DCXR: variants seen among roughly 807,000 people sequenced by gnomAD.
The protein encoded by DCXR is L-xylulose reductase.
In DCXR, 24 loss-of-function variants were observed where a neutral mutation model predicts 25.9. That is an observed-to-expected ratio of 0.93 (90% CI 0.67 to 1.30). DCXR has a LOEUF of 1.30. Among genes scored for constraint, DCXR ranks in the 50% most tolerant of loss-of-function variants. DCXR has a pLI of 0.00. For synonymous variants in DCXR, 161 were observed against 141.7 expected, an observed-to-expected ratio of 1.14 and a Z score of -0.97; for missense variants, 348 against 333.7, an observed-to-expected ratio of 1.04 and a Z score of -0.33.
In DCXR at chr17:82,037,689, G is replaced by T. The variant is rs776354255; in HGVS notation, c.-7C>A. ...CCGCGAGGAACAGCTCCATGTCGGC[G>T]CAGTCTCCGCCCTCCGCACTGGGGC... On this transcript the variant is annotated 5_prime_UTR_variant, in exon 1 of 8. Coordinates refer to ENST00000306869, the MANE Select transcript of DCXR (RefSeq NM_016286.4). The T allele has an allele frequency of 6.3e-7, 1 of 1,587,166 alleles. No individual in the cohort carries two copies. The highest frequency in any genetic ancestry group is 1.3e-5 in the African/African-American group (1 of 74,764).
At position 82,037,024 on chromosome 17, in the gene DCXR, C is replaced by T; in HGVS notation, c.151-11G>A. ...TTCTATCCCCGGGCACTGTGTGTAT[C>T]AGGGGGCAGTTACCAGAGGCTCTGT... On this transcript the variant is annotated splice_polypyrimidine_tract_variant and intron_variant, in intron 2 of 7. Coordinates refer to ENST00000306869, the MANE Select transcript of DCXR (RefSeq NM_016286.4). The T allele has an allele frequency of 6.4e-7, 1 of 1,553,360 alleles. No homozygotes were observed. Among genetic ancestry groups the T allele is most frequent in the Non-Finnish European group, 8.7e-7 (1 of 1,149,152 alleles).
intron 4 of DCXR, 36 bp downstream of exon 4, chr17:82,036,685 C>T: frequency 6.2e-7 from 1 of 1,613,518 alleles, no homozygotes; most frequent in Non-Finnish European, 8.5e-7. Context: ...TGGCATCACT[C>T]ACGAGAATTC....
rs772055207 is a variant in DCXR, at chr17:82,036,599, G to A, written c.393C>T (p.Ile131=). The change falls in exon 5 of 8, where the codon ATC becomes ATT. Residue 131 remains isoleucine, a synonymous_variant. Transcript: ENST00000306869. ...GGGAGCACTGGCTGGAGACATTCAC[G>A]ATGGCCCCTGGGACTCCCCGGGCTA... The part of the protein sequence containing the change: ...GLIARGVPGA[I]VNVSSQCSQR... The A allele has an allele frequency of 2.4e-5, 38 of 1,613,008 alleles. No individual in the cohort carries two copies. In the East Asian group the frequency reaches 4.9e-4, roughly 21 times the overall value.
chr17:82,036,473 T>TGGGGCTGGGGTCGGTGATGAGGGC, intron 5 of DCXR, 25 bp from the exon 6 acceptor site: 1 of 1,612,558 alleles, frequency 6.2e-7, no homozygotes, highest in Non-Finnish European at 8.5e-7. Context: ...CCAAGCTGGC[T>TGGGGCTGGGGTCGGTGATGAGGGC]GGGGCTGGGG....
Position 82,036,010 on chromosome 17 carries a change from T to A in DCXR, c.685A>T (p.Met229Leu). 1 of 1,613,366 alleles carries A rather than the reference T, an allele frequency of 6.2e-7. No individual in the cohort carries two copies. Among genetic ancestry groups the A allele is most frequent in the South Asian group, 1.1e-5 (1 of 91,074 alleles). ...ACCGGCAAAGTGGAACCCGTGGTCA[T>A]GCCACTTCGGTCACTCAGCAGAAAG... ...ILFLLSDRSG[M>L]TTGSTLPVEG... Residue 229 changes from methionine to leucine, a missense_variant, in exon 8 of 8, where the codon ATG becomes TTG. Coordinates refer to ENST00000306869, the MANE Select transcript of DCXR (RefSeq NM_016286.4).
At chr17:82,037,346 C>T in intron 2 of DCXR, 104 bp downstream of exon 2, 2 of 1,258,422 alleles carry the variant, frequency 1.6e-6, no homozygotes, top group Non-Finnish European at 1.1e-6. Flanking sequence ...AGAAGCGCAG[C>T]GCCCGCGAGG....
rs781201690 is a variant in DCXR, at chr17:82,036,047, C to T, written c.648G>A (p.Val216=). ...LGKFAEVEHV[V]NAILFLLSDR... is the part of the protein sequence containing the mutation. ...CACTCAGCAGAAAGAGGATGGCGTT[C>T]ACCACGTGCTCTACCTCTGTGGGCA... The change falls in exon 8 of 8, where the codon GTG becomes GTA. Residue 216 remains valine (V), a synonymous_variant. Coordinates refer to ENST00000306869, the MANE Select transcript of DCXR (RefSeq NM_016286.4). 8.1e-6 allele frequency: 13 copies of T among 1,613,222 alleles called. No individual in the cohort carries two copies. In the East Asian group the frequency reaches 8.9e-5, roughly 11 times the overall value.
chr17:82,036,891 G>A lies in DCXR; in HGVS notation c.273C>T (p.Pro91=), dbSNP rs1290159779. 1.2e-6 allele frequency: 2 copies of A among 1,613,210 alleles called. No homozygotes were observed. Among genetic ancestry groups the A allele is most frequent in the Admixed American group, 1.7e-5 (1 of 60,010 alleles). Residue 91 remains proline (P), a synonymous_variant, in exon 3 of 8, where the codon CCC becomes CCT. Coordinates refer to ENST00000306869, the MANE Select transcript of DCXR (RefSeq NM_016286.4). ...VNNAAVALLQ[P]FLEVTKEAFD... Reference sequence around the variant, plus strand: ...AGGCCTCCTTGGTGACCTCCAGGAAGGGCTGCAGCAGGGCGACAGCGGCGT... The same window carrying A: ...AGGCCTCCTTGGTGACCTCCAGGAAAGGCTGCAGCAGGGCGACAGCGGCGT...
chr17:82,037,110 GAGTT>G, intron 2 of DCXR, 97 bp from the exon 3 acceptor site: 5 of 1,469,604 alleles, frequency 3.4e-6, no homozygotes, highest in Non-Finnish European at 4.6e-6. Flanking sequence ...ACAAGTAAAG[GAGTT>G]AGGAGTTCCG....
chr17:82,036,607 CT>C lies in DCXR; in HGVS notation c.384del (p.Ala130ProfsTer3). On this transcript the variant is annotated frameshift_variant, in exon 5 of 8. Coordinates refer to ENST00000306869, the MANE Select transcript of DCXR (RefSeq NM_016286.4). LOFTEE classifies it high-confidence loss of function. ...TGGCTGGAGACATTCACGATGGCCC[CT>C]GGGACTCCCCGGGCTATTAAGCCCC... is the stretch of plus-strand genomic sequence containing the variant. Reference protein sequence around the residue: ...VARGLIARGVPGAIVNVSSQC... With the variant: ...VARGLIARGVXGAIVNVSSQC... 2 of 1,613,146 alleles carry C rather than the reference CT, an allele frequency of 1.2e-6. No individual in the cohort carries two copies. Among genetic ancestry groups the C allele is most frequent in the Non-Finnish European group, 1.7e-6 (2 of 1,179,982 alleles).
In DCXR at chr17:82,036,419, T is replaced by C. The variant is rs199558783; in HGVS notation, c.478A>G (p.Thr160Ala). The C allele has an allele frequency of 6.0e-5, 97 of 1,613,342 alleles. No homozygotes were observed. The highest frequency in any genetic ancestry group is 7.6e-5 in the Non-Finnish European group (90 of 1,179,994). ...CSTKGALDML[T>A]KVMALELGPH... ...CCGAGCTCTAGGGCCATCACCTTGG[T>C]CAGCATGTCCAGGGCACCCTTGGTG... The change falls in exon 6 of 8, where the codon ACC (threonine) becomes GCC (alanine). Residue 160 changes from threonine (T) to alanine (A), a missense_variant. Coordinates refer to ENST00000306869, the MANE Select transcript of DCXR (RefSeq NM_016286.4).
chr17:82,037,147 A>G, intron 2 of DCXR, 134 bp from the exon 3 acceptor site: 1 of 1,203,952 alleles, frequency 8.3e-7, no homozygotes, highest in Non-Finnish European at 1.2e-6. Context: ...CTGTGGGGCC[A>G]GCAGCCGGGC....
At chr17:82,037,342 G>A (rs922722516) in intron 2 of DCXR, 108 bp downstream of exon 2, 10 of 1,237,400 alleles carry the variant, frequency 8.1e-6, no homozygotes, top group South Asian at 3.1e-5. Flanking sequence ...GGTGAGAAGC[G>A]CAGCGCCCGC....
chr17:82,037,142 G>A (rs1382841303), intron 2 of DCXR, 129 bp from the exon 3 acceptor site: 5 of 1,249,722 alleles, frequency 4.0e-6, no homozygotes, highest in African/African-American at 3.0e-5. Flanking sequence ...CGGGACTGTG[G>A]GGCCAGCAGC....
At chr17:82,037,096 C>T in intron 2 of DCXR, 83 bp from the exon 3 acceptor site, 3 of 1,520,856 alleles carry the variant, frequency 2.0e-6, no homozygotes, top group Non-Finnish European at 2.7e-6. Flanking sequence ...GACCTTTCAG[C>T]CGGACAAGTA....
Position 82,036,860 on chromosome 17 carries a change from T to C in DCXR, c.304A>G (p.Arg102Gly). ...GTTCCTCCGCCCTCACAGGCTCACC[T>C]GTCAAAGGCCTCCTTGGTGACCTCC... ...FLEVTKEAFD[R>G]SFEVNLRAVI... Residue 102 changes from arginine to glycine, a missense_variant and splice_region_variant, in exon 3 of 8, where the codon AGA (arginine) becomes GGA (glycine). Coordinates refer to ENST00000306869, the MANE Select transcript of DCXR (RefSeq NM_016286.4). 2.5e-6 allele frequency: 4 copies of C among 1,613,340 alleles called. No homozygotes were observed. Among genetic ancestry groups the C allele is most frequent in the Non-Finnish European group, 3.4e-6 (4 of 1,179,972 alleles).
At position 82,036,576 on chromosome 17, in the gene DCXR, G is replaced by A. The variant is rs774329370; in HGVS notation, c.416C>T (p.Ser139Phe). ...GAIVNVSSQC[S>F]QRAVTNHSVY... is the part of the protein sequence containing the mutation. ...GCTATGGTTAGTTACTGCCCGCTGG[G>A]AGCACTGGCTGGAGACATTCACGAT... The change falls in exon 5 of 8, where the codon TCC (serine) becomes TTC (phenylalanine). Residue 139 changes from serine (S) to phenylalanine (F), a missense_variant. Coordinates refer to ENST00000306869, the MANE Select transcript of DCXR (RefSeq NM_016286.4). 2 of 1,613,050 alleles carry A rather than the reference G, an allele frequency of 1.2e-6. No individual in the cohort carries two copies. Among genetic ancestry groups the A allele is most frequent in the East Asian group, 4.5e-5 (2 of 44,886 alleles).
Position 82,035,911 on chromosome 17 carries a change from T to G in DCXR, c.*49A>C. ...AGCAGAATCAGGTTTATTGGAGGGA[T>G]TGGGGGTAGGATGAGCACGGCATGG... On this transcript the variant is annotated 3_prime_UTR_variant, in exon 8 of 8. Transcript: ENST00000306869. 26 of 1,469,442 alleles carry G rather than the reference T, an allele frequency of 1.8e-5. No homozygotes were observed. Among genetic ancestry groups the G allele is most frequent in the Non-Finnish European group, 2.0e-5 (21 of 1,053,766 alleles). The allele number at this position is 1,469,442 out of a possible 1,614,324, so 91.0% of individuals were successfully genotyped here.
At chr17:82,037,584 CGCCTCTGCCCGCCGCCG>C in intron 1 of DCXR, 30 bp downstream of exon 1, 1 of 1,550,534 alleles carries the variant, frequency 6.4e-7, no homozygotes, top group Non-Finnish European at 8.7e-7. Flanking sequence ...GTCCCCTGCC[CGCCTCTGCCCGCCGCCG>C]GCCTTTGCCC....
Sources: gnomAD v4.1 joint callset for allele counts on GRCh38, gnomAD v4.1.1 for gene constraint, MANE v1.5 for transcripts, NCBI Gene and HGNC (gene_info 2026-07-23, HGNC 2026-07-21) for gene names.